Variants in SMC5 observed in about 807,000 individuals in gnomAD.
The protein encoded by SMC5 is structural maintenance of chromosomes 5.
In SMC5, 88 loss-of-function variants were observed where a neutral mutation model predicts 148.3. That is an observed-to-expected ratio of 0.59 (90% CI 0.50 to 0.71). SMC5 has a LOEUF of 0.71. Ranked by LOEUF, SMC5 falls within the 30% of genes least tolerant of loss-of-function variation. The pLI is 0.00. For missense variants in SMC5, 1,142 were observed against 1,298.9 expected, an observed-to-expected ratio of 0.88 and a Z score of 1.86; for synonymous variants, 421 against 432.8, an observed-to-expected ratio of 0.97 and a Z score of 0.34.
chr9:70,270,738 C>T (rs1256660834), intron 3 of SMC5, among the ~76,000 whole-genome samples: 1 of 149,336 alleles, frequency 6.7e-6, no homozygotes, highest in African/African-American at 2.5e-5. Flanking sequence ...CCTCTGTCTC[C>T]CGAGCTCAAG....
At chr9:70,321,629 G>A (rs1229715758) in intron 15 of SMC5, among the ~76,000 whole-genome samples, 2 of 151,810 alleles carry the variant, frequency 1.3e-5, no homozygotes, top group East Asian at 1.9e-4. Context: ...CAGTCCTCCC[G>A]CCTCAGCCTC....
At chr9:70,286,071 A>C in intron 7 of SMC5, 129 bp from the exon 8 acceptor site, 1 of 659,964 alleles carries the variant, frequency 1.5e-6, no homozygotes, top group Non-Finnish European at 2.7e-6. Context: ...TATTTTGTTG[A>C]TAATTATGGA....
chr9:70,304,034 C>G (rs1159310909), intron 10 of SMC5, among the ~76,000 whole-genome samples: 1 of 152,118 alleles, frequency 6.6e-6, no homozygotes, highest in Admixed American at 6.6e-5. Context: ...CCTAGCTTGT[C>G]TTAGTATCTT....
chr9:70,274,494 C>A (rs1455166604), intron 3 of SMC5, among the ~76,000 whole-genome samples: 2 of 147,766 alleles, frequency 1.4e-5, no homozygotes, highest in African/African-American at 5.0e-5. Context: ...CAGTATTTTT[C>A]TAGTTGTCTT....
At chr9:70,348,696 A>G (rs1191173016) in intron 22 of SMC5, among the ~76,000 whole-genome samples, 1 of 152,182 alleles carries the variant, frequency 6.6e-6, no homozygotes, top group Non-Finnish European at 1.5e-5. Context: ...GTCTCAAAAA[A>G]AAAAAAGAAT....
At chr9:70,278,724 C>T in intron 5 of SMC5, 99 bp downstream of exon 5, 11 of 1,223,060 alleles carry the variant, frequency 9.0e-6, no homozygotes, top group Non-Finnish European at 1.2e-5. Flanking sequence ...TGAGTGAATT[C>T]GTATTTGTGA....
At position 70,318,509 on chromosome 9, in the gene SMC5, T is replaced by C. The variant is rs1452930112; in HGVS notation, c.1807-5T>C. ...ATGTGCACTAATAGTTGTTTTACGT[T>C]ATAGGTAATACAAGAAACCCGATTA... On this transcript the variant is annotated splice_polypyrimidine_tract_variant and splice_region_variant and intron_variant, in intron 13 of 24. Coordinates refer to ENST00000361138, the MANE Select transcript of SMC5 (RefSeq NM_015110.4). The C allele has an allele frequency of 6.3e-7, 1 of 1,581,798 alleles. No homozygotes were observed. The highest frequency in any genetic ancestry group is 2.3e-5 in the East Asian group (1 of 44,426).
chr9:70,302,501 A>AT (rs1270906994), intron 10 of SMC5, among the ~76,000 whole-genome samples: 25 of 148,464 alleles, frequency 1.7e-4, no homozygotes, highest in Non-Finnish European at 3.0e-4. Flanking sequence ...CAAGAAAAAA[A>AT]AATATATATA....
chr9:70,281,790 C>G (rs1218302801), intron 6 of SMC5, among the ~76,000 whole-genome samples: 1 of 152,012 alleles, frequency 6.6e-6, no homozygotes, highest in East Asian at 1.9e-4. Context: ...ATTATTACTG[C>G]TTCACTCACT....
intron 17 of SMC5, among the ~76,000 whole-genome samples, chr9:70,326,269 A>G (rs559944652): frequency 6.6e-5 from 10 of 152,168 alleles, no homozygotes; most frequent in Non-Finnish European, 1.5e-4. Flanking sequence ...GTAAAATTGG[A>G]CTGTGGTGAT....
At chr9:70,349,776 T>C (rs1165359406) in intron 22 of SMC5, among the ~76,000 whole-genome samples, 1 of 152,190 alleles carries the variant, frequency 6.6e-6, no homozygotes, top group African/African-American at 2.4e-5. Flanking sequence ...ATAGTGCTTT[T>C]TGAGGACAGA....
In SMC5 at chr9:70,278,536, G is replaced by A. The variant is rs767799540; in HGVS notation, c.589G>A (p.Glu197Lys). Residue 197 changes from glutamate (E) to lysine (K), a missense_variant, in exon 5 of 25, where the codon GAA becomes AAA. Coordinates refer to ENST00000361138, the MANE Select transcript of SMC5 (RefSeq NM_015110.4). ...TAAACTCAGCAAAATTGAACTCCTC[G>A]AAGCCACTGAAAAGTCAATTGGTCC... is the stretch of plus-strand genomic sequence containing the variant. ...FAKLSKIELL[E>K]ATEKSIGPPE... 33 of 1,611,726 alleles carry A rather than the reference G, an allele frequency of 2.0e-5. No individual in the cohort carries two copies. Among genetic ancestry groups the A allele is most frequent in the Middle Eastern group, 1.6e-4 (1 of 6,070 alleles).
chr9:70,329,316 G>A (rs536879939), intron 17 of SMC5, among the ~76,000 whole-genome samples: 10 of 152,254 alleles, frequency 6.6e-5, no homozygotes, highest in Admixed American at 3.3e-4. Flanking sequence ...TAAAGTTCTA[G>A]TTTCAGGTCA....
intron 3 of SMC5, 57 bp downstream of exon 3, chr9:70,268,032 A>C: frequency 7.4e-7 from 1 of 1,357,952 alleles, no homozygotes; most frequent in South Asian, 1.3e-5. Context: ...GTTTATATTC[A>C]TGTTTTCCTG....
intron 3 of SMC5, among the ~76,000 whole-genome samples, chr9:70,268,199 C>G (rs2034345015): frequency 6.6e-6 from 1 of 152,074 alleles, no homozygotes; most frequent in Non-Finnish European, 1.5e-5. Context: ...AATCTGAGCA[C>G]TTTGGGGAGG....
At chr9:70,343,226 C>T (rs1371207691) in intron 17 of SMC5, among the ~76,000 whole-genome samples, 4 of 151,096 alleles carry the variant, frequency 2.6e-5, no homozygotes, top group Admixed American at 6.6e-5. Context: ...ATAATGTATG[C>T]GAAGCACCTA....
chr9:70,300,894 A>G (rs570946491), intron 10 of SMC5, among the ~76,000 whole-genome samples: 2 of 152,216 alleles, frequency 1.3e-5, no homozygotes, highest in South Asian at 4.1e-4. Flanking sequence ...CATAAGGATT[A>G]TTTTTGCTAG....
At chr9:70,299,027 T>A (rs1205350571) in intron 9 of SMC5, among the ~76,000 whole-genome samples, 4 of 151,808 alleles carry the variant, frequency 2.6e-5, no homozygotes, top group Non-Finnish European at 4.4e-5. Flanking sequence ...TACATATCCT[T>A]TTTTGGTCAT....
chr9:70,276,290 A>G (rs1255234406), intron 3 of SMC5, among the ~76,000 whole-genome samples: 1 of 152,206 alleles, frequency 6.6e-6, no homozygotes, highest in Non-Finnish European at 1.5e-5. Context: ...CATCAAAATG[A>G]GTCCTCAAGA....
Sources: allele counts gnomAD v4.1 joint callset (sites outside exome capture counted in the v4.1 genomes callset), GRCh38; gene constraint gnomAD v4.1.1; transcripts MANE v1.5; gene names NCBI Gene and HGNC (gene_info 2026-07-23, HGNC 2026-07-21).